The following HFM1 variants were observed in gnomAD, a reference collection of about 807,000 sequenced individuals.
HFM1 encodes helicase for meiosis 1, also known as probable ATP-dependent DNA helicase HFM1.
A neutral mutation model predicts 192.1 loss-of-function variants in HFM1; 169 were observed. The ratio of observed to expected loss-of-function variants is 0.88; its 90% CI spans 0.78 to 1.00. HFM1 has a LOEUF of 1.00. Among genes scored for constraint, HFM1 ranks in the 50% least tolerant of loss-of-function variants. The probability of loss-of-function intolerance (pLI) is 0.00; values close to 1 mark genes in which losing one functional copy is unlikely to be tolerated. For missense variants in HFM1, 1,661 were observed against 1,668.0 expected, an observed-to-expected ratio of 1.00 and a Z score of 0.07; for synonymous variants, 525 against 537.8, an observed-to-expected ratio of 0.98 and a Z score of 0.33.
intron 30 of HFM1, among the ~76,000 whole-genome samples, chr1:91,299,929 A>T (rs1353342808): frequency 1.3e-5 from 2 of 152,202 alleles, no homozygotes; most frequent in Non-Finnish European, 2.9e-5. Context: ...AGAAATAACT[A>T]AGATCAGAGC....
At chr1:91,327,535 TG>T (rs1426989329) in intron 20 of HFM1, among the ~76,000 whole-genome samples, 1 of 152,150 alleles carries the variant, frequency 6.6e-6, no homozygotes, top group African/African-American at 2.4e-5. Context: ...TGATGATAGC[TG>T]GAGACTTCAC....
chr1:91,403,798 T>G (rs1368655554), intron 1 of HFM1, among the ~76,000 whole-genome samples: 1 of 152,190 alleles, frequency 6.6e-6, no homozygotes, highest in Non-Finnish European at 1.5e-5. Context: ...TAGTTAAATA[T>G]TAATACAACT....
intron 20 of HFM1, chr1:91,328,299 C>T (rs1653232336): frequency 4.0e-6 from 5 of 1,248,388 alleles, no homozygotes; most frequent in East Asian, 2.5e-5. Context: ...CTTAGGACCG[C>T]CTGCCCAGGG....
chr1:91,328,451 AGAGC>A, intron 20 of HFM1: 1 of 1,612,704 alleles, frequency 6.2e-7, no homozygotes, highest in Non-Finnish European at 8.5e-7. Context: ...AATGACATCA[AGAGC>A]TACTTTGGCC....
Position 91,314,045 on chromosome 1 carries a change from T to G in HFM1, c.3156A>C (p.Leu1052=). The change falls in exon 29 of 39, where the codon CTA becomes CTC. Residue 1052 remains leucine, a synonymous_variant. Coordinates refer to ENST00000370425, the MANE Select transcript of HFM1 (RefSeq NM_001017975.6). ...YLHKITDSVL[L]KAGSWAKKIA... ...TCTTTTTAGCCCAACTTCCAGCTTT[T>G]AGCAAAACAGAATCCCTGAAAAATA... 6.2e-7 allele frequency: 1 copy of G among 1,605,294 alleles called. No homozygotes were observed. The highest frequency in any genetic ancestry group is 8.5e-7 in the Non-Finnish European group (1 of 1,173,200).
In HFM1 at chr1:91,389,790, G is replaced by A. The variant is rs191173230; in HGVS notation, c.495-3956C>T. 5.1e-4 allele frequency among the ~76,000 whole-genome samples: 77 copies of A among 152,264 alleles called. 1 individual carries two copies. Among genetic ancestry groups the A allele is most frequent in the Non-Finnish European group, 1.0e-3 (68 of 68,022 alleles). ...AGATACCTCTTCACATACCCAGTAG[G>A]ATGGCTATAATAAAAAAGACAGAAA... On this transcript the variant is annotated intron_variant, in intron 4 of 38. Transcript: ENST00000370425.
At chr1:91,306,402 C>T (rs1331860581) in intron 30 of HFM1, among the ~76,000 whole-genome samples, 1 of 152,100 alleles carries the variant, frequency 6.6e-6, no homozygotes, top group Admixed American at 6.6e-5. Context: ...TTTTTTAAAT[C>T]ATAAATGAGT....
intron 4 of HFM1, among the ~76,000 whole-genome samples, chr1:91,390,320 T>C (rs369339788): frequency 8.6e-5 from 13 of 151,536 alleles, no homozygotes; most frequent in African/African-American, 3.1e-4. Context: ...CCTGTAGTTC[T>C]AGCTACTCGG....
intron 20 of HFM1, among the ~76,000 whole-genome samples, chr1:91,326,475 A>G (rs1227181400): frequency 6.7e-6 from 1 of 149,090 alleles, no homozygotes; most frequent in Non-Finnish European, 1.5e-5. Context: ...AGTGCTAAAG[A>G]AAAAAAAAAC....
At chr1:91,284,103 C>T (rs973365718) in intron 30 of HFM1, among the ~76,000 whole-genome samples, 5 of 151,996 alleles carry the variant, frequency 3.3e-5, no homozygotes, top group Admixed American at 1.3e-4. Context: ...GATTTTGCAA[C>T]TTAATGCACA....
chr1:91,347,752 G>C (rs1372917865), intron 18 of HFM1, among the ~76,000 whole-genome samples: 1 of 152,088 alleles, frequency 6.6e-6, no homozygotes, highest in Non-Finnish European at 1.5e-5. Flanking sequence ...ATTATAACAT[G>C]AATGTTCCTA....
intron 30 of HFM1, among the ~76,000 whole-genome samples, chr1:91,292,912 A>T (rs1668947537): frequency 6.6e-6 from 1 of 152,170 alleles, no homozygotes. Context: ...ATCTACAACT[A>T]TCTGATCTTT....
intron 30 of HFM1, among the ~76,000 whole-genome samples, chr1:91,303,834 C>G (rs1649202642): frequency 6.6e-6 from 1 of 152,168 alleles, no homozygotes; most frequent in Middle Eastern, 3.4e-3. Flanking sequence ...ATGCAGATCC[C>G]TTGACTAGTT....
In HFM1 at chr1:91,351,533, C is replaced by CT. The variant is rs773402026; in HGVS notation, c.2072+15dup. 1.0e-4 allele frequency: 140 copies of CT among 1,381,778 alleles called. No homozygotes were observed. Among genetic ancestry groups the CT allele is most frequent in the Non-Finnish European group, 1.2e-4 (121 of 993,280 alleles). The allele number at this position is 1,381,778 out of a possible 1,614,324, so 85.6% of individuals were successfully genotyped here. ...TATTAGCATTAGTATCTTTTTGGAA[C>CT]TTTTTTTTATACTACCTGCTTTCTA... On this transcript the variant is annotated intron_variant, in intron 17 of 38. Transcript: ENST00000370425.
intron 20 of HFM1, among the ~76,000 whole-genome samples, chr1:91,337,311 T>A (rs985255735): frequency 1.3e-5 from 2 of 151,946 alleles, no homozygotes; most frequent in South Asian, 2.1e-4. Context: ...AATGCAAACA[T>A]ACAGATGAAA....
chr1:91,261,320 A>C lies in HFM1; in HGVS notation c.4278T>G (p.Ser1426=). 7.0e-7 allele frequency: 1 copy of C among 1,421,302 alleles called. No individual in the cohort carries two copies. The highest frequency in any genetic ancestry group is 9.3e-7 in the Non-Finnish European group (1 of 1,074,180). The allele number at this position is 1,421,302 out of a possible 1,614,324, so 88.0% of individuals were successfully genotyped here. A position where few individuals can be genotyped will look rare whatever the true frequency, so the allele number is the denominator to read the frequency against. The change falls in exon 39 of 39, where the codon TCT becomes TCG. Residue 1426 remains serine (S), a synonymous_variant. Transcript: ENST00000370425. ...AAATACCATCAAATATTCCCAATAA[A>C]GACTTCATTTCATCAGCTTCATCAT... is the stretch of plus-strand genomic sequence containing the variant. The part of the protein sequence containing the change: ...HPDDEADEMK[S]LLGIFDGIF
intron 6 of HFM1, among the ~76,000 whole-genome samples, chr1:91,381,555 T>C (rs1661554713): frequency 6.6e-6 from 1 of 152,128 alleles, no homozygotes; most frequent in African/African-American, 2.4e-5. Flanking sequence ...TGTAAGAAAG[T>C]TCAAAAATAT....
In HFM1 at chr1:91,284,397, G is replaced by A. The variant is rs535893169; in HGVS notation, c.3392-7335C>T. ...GCTCGTATTACATGGGATTACAGGT[G>A]CCTGCCACCATGCCCAGCTAATTTT... On this transcript the variant is annotated intron_variant, in intron 30 of 38. Transcript: ENST00000370425. Among the ~76,000 whole-genome samples, 3 of 152,006 alleles carry A rather than the reference G, an allele frequency of 2.0e-5. No homozygotes were observed. The South Asian group carries it at 6.2e-4, about 32-fold the overall frequency.
rs1436949833 is a variant in HFM1, at chr1:91,300,161, T to C, written c.3391+13188A>G. On this transcript the variant is annotated intron_variant, in intron 30 of 38. Coordinates refer to ENST00000370425, the MANE Select transcript of HFM1 (RefSeq NM_001017975.6). ...TCAGAGAATACTATAAACACCTCTA[T>C]GCAAATAAACTAGAAAATCTAGAAG... 3.3e-5 allele frequency among the ~76,000 whole-genome samples: 5 copies of C among 152,066 alleles called. No homozygotes were observed. In the East Asian group the frequency reaches 7.7e-4, roughly 23 times the overall value.
Sources: gnomAD v4.1 joint callset for allele counts (sites outside exome capture counted in the v4.1 genomes callset) on GRCh38, gnomAD v4.1.1 for gene constraint, MANE v1.5 for transcripts, NCBI Gene and HGNC (gene_info 2026-07-23, HGNC 2026-07-21) for gene names.